Variants in SAMD12 observed in about 807,000 individuals in gnomAD.
SAMD12 encodes the protein sterile alpha motif domain-containing protein 12.
A neutral mutation model predicts 15.0 loss-of-function variants in SAMD12; 9 were observed. That is an observed-to-expected ratio of 0.60 (90% CI 0.36 to 1.05). The LOEUF (loss-of-function observed/expected upper bound fraction) is 1.05. Ranked by LOEUF, SAMD12 falls within the 50% of genes least tolerant of loss-of-function variation. The pLI is 0.01. For synonymous variants in SAMD12, 86 were observed against 90.1 expected (o/e 0.96, Z 0.25); for missense variants, 230 against 234.2 (o/e 0.98, Z 0.12).
At position 118,448,883 on chromosome 8, in the gene SAMD12, T is replaced by C. The variant is rs542250018; in HGVS notation, c.193-8922A>G. On this transcript the variant is annotated intron_variant, in intron 2 of 3. Coordinates refer to ENST00000314727, the MANE Select transcript of SAMD12 (RefSeq NM_207506.3). ...AATTCACTGCAAATAATACCTATCTTATAGTTTGTGGAAGGATTAGAAATG... is the reference window on the plus strand; with the variant it reads ...AATTCACTGCAAATAATACCTATCTCATAGTTTGTGGAAGGATTAGAAATG... Among the ~76,000 whole-genome samples the C allele has an allele frequency of 4.6e-5, 7 of 152,314 alleles. No individual in the cohort carries two copies. The South Asian group carries it at 6.2e-4, about 14-fold the overall frequency.
chr8:118,503,616 T>G (rs1197347624), intron 2 of SAMD12, among the ~76,000 whole-genome samples: 1 of 152,100 alleles, frequency 6.6e-6, no homozygotes, highest in Non-Finnish European at 1.5e-5. Context: ...CTAAGGAAAT[T>G]GAGAAAGTGT....
intron 4 of SAMD12, among the ~76,000 whole-genome samples, chr8:118,347,789 T>G (rs1017030753): frequency 6.6e-6 from 1 of 152,208 alleles, no homozygotes; most frequent in African/African-American, 2.4e-5. Context: ...ACACTAGTAA[T>G]AATAACTAGC....
At chr8:118,536,264 CTGATA>C (rs541809869) in intron 2 of SAMD12, among the ~76,000 whole-genome samples, 17 of 152,138 alleles carry the variant, frequency 1.1e-4, no homozygotes, top group Admixed American at 4.6e-4. Context: ...TCCTCCTCTC[CTGATA>C]TAAGATAAAA....
chr8:118,353,735 C>G (rs998678017), intron 4 of SAMD12, among the ~76,000 whole-genome samples: 2 of 152,050 alleles, frequency 1.3e-5, no homozygotes, highest in Non-Finnish European at 2.9e-5. Context: ...CCCTCGCTAT[C>G]CATTCTTGTC....
intron 1 of SAMD12, among the ~76,000 whole-genome samples, chr8:118,582,758 T>C (rs548860087): frequency 3.2e-4 from 48 of 152,310 alleles, no homozygotes; most frequent in African/African-American, 1.1e-3. Context: ...GCCCATTTAG[T>C]ATACACGATT....
chr8:118,231,713 A>G (rs1413782493), intron 4 of SAMD12, among the ~76,000 whole-genome samples: 1 of 152,160 alleles, frequency 6.6e-6, no homozygotes, highest in Non-Finnish European at 1.5e-5. Flanking sequence ...AGAAGGATGT[A>G]GGAAAGAGGC....
chr8:118,257,363 G>A (rs909477392), intron 4 of SAMD12, among the ~76,000 whole-genome samples: 3 of 152,022 alleles, frequency 2.0e-5, no homozygotes, highest in South Asian at 2.1e-4. Flanking sequence ...ATGCTGAGAC[G>A]GCAGAATCCA....
chr8:118,377,241 A>T (rs1474583520), downstream of SAMD12, among the ~76,000 whole-genome samples: 1 of 152,018 alleles, frequency 6.6e-6, no homozygotes, highest in Non-Finnish European at 1.5e-5. Context: ...TACTAAAAAT[A>T]CAAAAAATTA....
At chr8:118,468,721 A>T (rs1345775951) in intron 2 of SAMD12, among the ~76,000 whole-genome samples, 1 of 151,902 alleles carries the variant, frequency 6.6e-6, no homozygotes, top group East Asian at 1.9e-4. Context: ...TTGATCACTG[A>T]CCTTTTTATG....
intron 4 of SAMD12, among the ~76,000 whole-genome samples, chr8:118,360,269 T>A (rs772286036): frequency 6.6e-6 from 1 of 152,202 alleles, no homozygotes; most frequent in Non-Finnish European, 1.5e-5. Context: ...GAAGCTATTC[T>A]GAAGATGAGG....
chr8:118,600,140 G>A (rs1827824457), intron 1 of SAMD12, among the ~76,000 whole-genome samples: 1 of 152,202 alleles, frequency 6.6e-6, no homozygotes, highest in South Asian at 2.1e-4. Flanking sequence ...TTCTAACCTT[G>A]TGTGTTAGGT....
the SAMD12 span, among the ~76,000 whole-genome samples, chr8:118,166,838 C>T: frequency 6.6e-6 from 1 of 152,232 alleles, no homozygotes; most frequent in African/African-American, 2.4e-5. Flanking sequence ...AAGACCTCAG[C>T]TTCCTGCAAA....
intron 2 of SAMD12, among the ~76,000 whole-genome samples, chr8:118,500,067 CTTTTTTTTTTT>C (rs563321387): frequency 2.8e-5 from 2 of 72,572 alleles, no homozygotes; most frequent in East Asian, 1.0e-3. Context: ...TGAGTTTTGC[CTTTTTTTTTTT>C]TTTTTTTTTT....
intron 3 of SAMD12, among the ~76,000 whole-genome samples, chr8:118,411,945 G>A (rs961146633): frequency 6.6e-6 from 1 of 152,180 alleles, no homozygotes; most frequent in Non-Finnish European, 1.5e-5. Context: ...TCCTGGTTGT[G>A]TATGTCCAGT....
Position 118,246,398 on chromosome 8 carries a change from A to G in SAMD12, c.434-48666T>C, listed in dbSNP as rs551792881. ...AGACATTTTTTCTTTTCATCAAGAT[A>G]TCAGTGAAGAAACTTGTGCTGGAAC... On this transcript the variant is annotated intron_variant, in intron 4 of 4. Transcript: ENST00000409003. Among the ~76,000 whole-genome samples, 111 of 152,292 alleles carry G rather than the reference A, an allele frequency of 7.3e-4. 1 individual carries two copies. Among genetic ancestry groups the G allele is most frequent in the Admixed American group, 1.2e-3 (19 of 15,290 alleles).
chr8:118,512,044 ATTTTTTTTT>A (rs144661457), intron 2 of SAMD12, among the ~76,000 whole-genome samples: 2 of 150,214 alleles, frequency 1.3e-5, no homozygotes, highest in African/African-American at 4.9e-5. Flanking sequence ...TATAAAGAAC[ATTTTTTTTT>A]TCACCTTTCA....
chr8:118,369,548 T>C (rs1264992050), intron 4 of SAMD12, among the ~76,000 whole-genome samples: 1 of 151,942 alleles, frequency 6.6e-6, no homozygotes, highest in African/African-American at 2.4e-5. Flanking sequence ...AAACCCCATC[T>C]CTACTAAAAA....
At chr8:118,133,822 G>A in the SAMD12 span, among the ~76,000 whole-genome samples, 1 of 151,976 alleles carries the variant, frequency 6.6e-6, no homozygotes. Context: ...TGAATTTATG[G>A]AATGATTGTC....
intron 2 of SAMD12, among the ~76,000 whole-genome samples, chr8:118,474,688 T>G (rs1823904163): frequency 8.1e-6 from 1 of 123,394 alleles, no homozygotes; most frequent in African/African-American, 2.5e-5. Flanking sequence ...CGCCCAGCTT[T>G]AAAACAATGT....
Sources: allele counts gnomAD v4.1 joint callset (sites outside exome capture counted in the v4.1 genomes callset), GRCh38; gene constraint gnomAD v4.1.1; transcripts MANE v1.5; gene names NCBI Gene and HGNC (gene_info 2026-07-23, HGNC 2026-07-21).